The following RPL28 variants were observed in gnomAD, a reference collection of about 807,000 sequenced individuals.
The protein encoded by RPL28 is ribosomal protein L28.
In RPL28, 4 loss-of-function variants were observed where a neutral mutation model predicts 12.5. That is an observed-to-expected ratio of 0.32 (90% CI 0.16 to 0.73). RPL28 has a LOEUF of 0.73. Ranked by LOEUF, RPL28 falls within the 30% of genes least tolerant of loss-of-function variation. RPL28 has a pLI of 0.66. For synonymous variants in RPL28, 91 were observed against 72.5 expected (o/e 1.26, Z -1.30); for missense variants, 214 against 197.7 (o/e 1.08, Z -0.49).
At chr19:55,387,812 C>T (rs1385655976) in intron 3 of RPL28, 118 bp from the exon 4 acceptor site, 5 of 1,467,670 alleles carry the variant, frequency 3.4e-6, no homozygotes, top group Non-Finnish European at 4.5e-6. Flanking sequence ...CCTGCCCAGG[C>T]ACCCGCCACG....
chr19:55,394,478 C>T (rs1172607685), downstream of RPL28, among the ~76,000 whole-genome samples: 1 of 151,990 alleles, frequency 6.6e-6, no homozygotes, highest in Admixed American at 6.6e-5. Context: ...CCAGGTTGGG[C>T]TTGAATTCCT....
intron 3 of RPL28, 156 bp downstream of exon 3, chr19:55,386,849 A>G (rs745908482): frequency 1.9e-6 from 3 of 1,561,416 alleles, no homozygotes; most frequent in South Asian, 2.3e-5. Context: ...CTCTCGGCCG[A>G]CTTGTCAGCT....
chr19:55,402,981 C>T (rs900430775), exon 5 of RPL28: 2 of 1,535,104 alleles, frequency 1.3e-6, no homozygotes, highest in Non-Finnish European at 1.7e-6. Context: ...CTGTAAGCAG[C>T]CTGGAGCACC....
At position 55,388,604 on chromosome 19, in the gene RPL28, A is replaced by G. The variant is rs1331576630; in HGVS notation, c.*272A>G. On this transcript the variant is annotated 3_prime_UTR_variant, in exon 5 of 5. Coordinates refer to ENST00000344063, the MANE Select transcript of RPL28 (RefSeq NM_000991.5). The stretch of plus-strand genomic sequence containing the variant: ...ACTTGTGATTGAGACCTACTGTCCC[A>G]TTGTGAGGTGGCCTGAAGAATCCCA... The G allele has an allele frequency of 6.5e-6, 8 of 1,226,488 alleles. No individual in the cohort carries two copies. The highest frequency in any genetic ancestry group is 4.7e-5 in the African/African-American group (3 of 64,164). 76.0% of individuals were successfully genotyped at this position (1,226,488 alleles called of 1,614,324 possible).
intron 4 of RPL28, chr19:55,401,208 T>G: frequency 1.7e-6 from 1 of 595,438 alleles, no homozygotes; most frequent in Non-Finnish European, 2.9e-6. Flanking sequence ...ACCCAGGGCC[T>G]GTGCAGGGGA....
downstream of RPL28, among the ~76,000 whole-genome samples, chr19:55,392,892 C>T (rs567000273): frequency 4.6e-5 from 7 of 152,248 alleles, no homozygotes; most frequent in East Asian, 1.4e-3. Flanking sequence ...CCCCCTTGCT[C>T]CTTTTCCCTA....
intron 4 of RPL28, chr19:55,400,073 G>A (rs1304245276): frequency 6.6e-6 from 1 of 152,200 alleles, no homozygotes; most frequent in African/African-American, 2.4e-5. Context: ...CCCTTTCAGA[G>A]GCTGAGCCGT....
chr19:55,387,875 G>A, intron 3 of RPL28, 55 bp from the exon 4 acceptor site: 2 of 1,513,532 alleles, frequency 1.3e-6, no homozygotes, highest in African/African-American at 2.8e-5. Flanking sequence ...TGCGAGGTGT[G>A]CTAAAGGTGC....
At chr19:55,392,777 C>T (rs865916557), downstream of RPL28, among the ~76,000 whole-genome samples, 1 of 151,888 alleles carries the variant, frequency 6.6e-6, no homozygotes, top group Admixed American at 6.6e-5. Context: ...GATCCGTCCG[C>T]CTCGGTCCCC....
chr19:55,397,504 T>G (rs910453259), intron 4 of RPL28, among the ~76,000 whole-genome samples: 3 of 151,990 alleles, frequency 2.0e-5, no homozygotes, highest in Non-Finnish European at 4.4e-5. Flanking sequence ...CTCAGCCTCC[T>G]GAGTAGCTGG....
chr19:55,397,525 G>A (rs925776882), intron 4 of RPL28, among the ~76,000 whole-genome samples: 24 of 151,976 alleles, frequency 1.6e-4, no homozygotes, highest in African/African-American at 5.8e-4. Context: ...GACTACAGGC[G>A]CCCGCCACCA....
chr19:55,390,489 G>A lies in RPL28; in HGVS notation c.*2157G>A, dbSNP rs143306924. ...CAAAGTGCTGGCATTACAGGCGCTC[G>A]AGGCTTTCTGATGTGGCTGCTGCTG... On this transcript the variant is annotated 3_prime_UTR_variant, in exon 5 of 5. Coordinates refer to ENST00000344063, the MANE Select transcript of RPL28 (RefSeq NM_000991.5). 1 of 985,482 alleles carries A rather than the reference G, an allele frequency of 1.0e-6. No individual in the cohort carries two copies. Among genetic ancestry groups the A allele is most frequent in the South Asian group, 4.7e-5 (1 of 21,298 alleles). The allele number at this position is 985,482 out of a possible 1,614,324, so 61.0% of individuals were successfully genotyped here. A position where few individuals can be genotyped will look rare whatever the true frequency, so the allele number is the denominator to read the frequency against.
chr19:55,388,153 C>G (rs759863825), intron 4 of RPL28, 90 bp from the exon 5 acceptor site: 1 of 1,562,814 alleles, frequency 6.4e-7, no homozygotes, highest in Non-Finnish European at 8.7e-7. Context: ...TGGATTCTTG[C>G]TTTCAGCCTA....
At chr19:55,386,916 A>G in intron 3 of RPL28, 1 of 1,488,154 alleles carries the variant, frequency 6.7e-7, no homozygotes, top group African/African-American at 1.4e-5. Context: ...AGAAATGAAA[A>G]AGGACCTGAA....
At chr19:55,398,989 C>T (rs75792235) in intron 4 of RPL28, among the ~76,000 whole-genome samples, 10,334 of 151,398 alleles carry the variant, frequency 0.068, 473 homozygotes, top group Middle Eastern at 0.12. Context: ...GGTGAACCAC[C>T]GTGCCCGGTT....
Position 55,389,496 on chromosome 19 carries a change from AAAG to A in RPL28, c.*1168_*1170del. On this transcript the variant is annotated 3_prime_UTR_variant, in exon 5 of 5. Coordinates refer to ENST00000344063, the MANE Select transcript of RPL28 (RefSeq NM_000991.5). Reference sequence around the variant, plus strand: ...CCTGCCATCCTGGGGTACCCGATTCAAAGAAGGACTCTGCTCCCTGTCTGAGAC... The same window carrying A: ...CCTGCCATCCTGGGGTACCCGATTCAAAGGACTCTGCTCCCTGTCTGAGAC... 2 of 985,402 alleles carry A rather than the reference AAAG, an allele frequency of 2.0e-6. No homozygotes were observed. The highest frequency in any genetic ancestry group is 1.7e-5 in the African/African-American group (1 of 57,344). The allele number at this position is 985,402 out of a possible 1,614,324, so 61.0% of individuals were successfully genotyped here.
downstream of RPL28, among the ~76,000 whole-genome samples, chr19:55,392,492 C>CA (rs2089997626): frequency 6.6e-6 from 1 of 151,754 alleles, no homozygotes; most frequent in South Asian, 2.1e-4. Context: ...CTTCGTCCCC[C>CA]AAAGTGTTGG....
At chr19:55,386,297 C>G (rs960003768) in intron 1 of RPL28, 53 bp from the exon 2 acceptor site, 5 of 1,562,114 alleles carry the variant, frequency 3.2e-6, no homozygotes, top group Non-Finnish European at 4.4e-6. Context: ...CGTGGCCTAA[C>G]GCTGCTTTAG....
intron 4 of RPL28, among the ~76,000 whole-genome samples, chr19:55,399,330 C>G (rs2090041338): frequency 6.6e-6 from 1 of 152,118 alleles, no homozygotes. Flanking sequence ...CCACGTCCAG[C>G]TAATTTTTGT....
Sources: allele counts gnomAD v4.1 joint callset (sites outside exome capture counted in the v4.1 genomes callset), GRCh38; gene constraint gnomAD v4.1.1; transcripts MANE v1.5; gene names NCBI Gene and HGNC (gene_info 2026-07-23, HGNC 2026-07-21).